The following MAP9 variants were observed in gnomAD, a reference collection of about 807,000 sequenced individuals.
MAP9 encodes the protein microtubule-associated protein 9.
In MAP9, 80 loss-of-function variants were observed where a neutral mutation model predicts 75.2. That is an observed-to-expected ratio of 1.06 (90% confidence interval 0.89 to 1.28). The LOEUF (loss-of-function observed/expected upper bound fraction) is 1.28. MAP9 is among the 50% of genes most tolerant of loss of function. The pLI is 0.00. For synonymous variants in MAP9, 235 were observed against 237.3 expected (o/e 0.99, Z 0.09); for missense variants, 753 against 719.9 (o/e 1.05, Z -0.53).
At chr4:155,372,313 G>C (rs1732637312) in intron 4 of MAP9, among the ~76,000 whole-genome samples, 1 of 152,106 alleles carries the variant, frequency 6.6e-6, no homozygotes, top group Non-Finnish European at 1.5e-5. Flanking sequence ...TGATATGCAA[G>C]GAGATTTTTA....
chr4:155,355,352 CAA>C, intron 9 of MAP9, among the ~76,000 whole-genome samples, 192 bp from the exon 10 acceptor site: 1 of 152,006 alleles, frequency 6.6e-6, no homozygotes, highest in Non-Finnish European at 1.5e-5. Context: ...GTACGCCTAA[CAA>C]CATCTCAGGA....
rs112451358 is a variant in MAP9 at position 155,362,129 on chromosome 4, T to C, written c.721A>G (p.Thr241Ala). Residue 241 changes from threonine (T) to alanine (A), a missense_variant, in exon 6 of 14, where the codon ACA (threonine) becomes GCA (alanine). By Grantham distance (58) the Thr-to-Ala change is moderately conservative. Coordinates refer to ENST00000311277, the MANE Select transcript of MAP9 (RefSeq NM_001039580.2). ...TTAAGTGATGATGATGCTAGACTTG[T>C]TAAGCATGAATCCTGTTTTCGCAAA... ...ENLDPEDSCL[T>A]SLASSSLKQI... 212 of 1,577,480 alleles carry C rather than the reference T, an allele frequency of 1.3e-4. No individual in the cohort carries two copies. The African/African-American group carries it at 2.5e-3, about 19-fold the overall frequency.
In MAP9 at chr4:155,373,307, C is replaced by G; in HGVS notation, c.310G>C (p.Asp104His). Residue 104 changes from aspartate to histidine, a missense_variant, in exon 4 of 14, where the codon GAT (aspartate) becomes CAT (histidine). Coordinates refer to ENST00000311277, the MANE Select transcript of MAP9 (RefSeq NM_001039580.2). Reference protein sequence around the residue: ...TNKSNGNITKDEPVCAIKNEE... With the variant: ...TNKSNGNITKHEPVCAIKNEE... ...TTTTTGATGGCACACACTGGCTCAT[C>G]TTTGGTTATGTTACCGTTTGATTTA... 1 of 1,613,866 alleles carries G rather than the reference C, an allele frequency of 6.2e-7. No homozygotes were observed.
rs189876267 is a variant in MAP9, at chr4:155,366,275, A to C, written c.708+2311T>G. Among the ~76,000 whole-genome samples the C allele has an allele frequency of 3.8e-3, 575 of 151,482 alleles. 4 individuals carry two copies. The highest frequency in any genetic ancestry group is 0.011 in the African/African-American group (474 of 41,276). ...TCGGGAGGCTGAAGCAGGAGAATGG[A>C]GTGAACCTGGGAGGCAGAGCTTGCA... On this transcript the variant is annotated intron_variant, in intron 5 of 13. Coordinates refer to ENST00000311277, the MANE Select transcript of MAP9 (RefSeq NM_001039580.2).
intron 5 of MAP9, 24 bp from the exon 6 acceptor site, chr4:155,362,165 T>C: frequency 7.4e-7 from 1 of 1,352,620 alleles, no homozygotes; most frequent in Non-Finnish European, 1.0e-6. Context: ...AAAAAATACA[T>C]TTGCCACATA....
At chr4:155,360,471 T>C (rs1222697781) in intron 6 of MAP9, 56 bp from the exon 7 acceptor site, 5 of 1,499,464 alleles carry the variant, frequency 3.3e-6, no homozygotes, top group East Asian at 4.6e-5. Context: ...ATAAGGTAAA[T>C]ACTTGATTCA....
intron 13 of MAP9, chr4:155,351,299 T>C (rs1254755759): frequency 6.6e-6 from 1 of 151,912 alleles, no homozygotes; most frequent in Non-Finnish European, 1.5e-5. Flanking sequence ...GTTGAAATCA[T>C]ATTTCCCACC....
chr4:155,371,706 C>G (rs1404469323), intron 4 of MAP9, among the ~76,000 whole-genome samples: 1 of 151,194 alleles, frequency 6.6e-6, no homozygotes, highest in Non-Finnish European at 1.5e-5. Flanking sequence ...TTCATTGTAA[C>G]CCACCACAGG....
chr4:155,348,273 G>A (rs1178428000), intron 13 of MAP9, among the ~76,000 whole-genome samples: 2 of 152,060 alleles, frequency 1.3e-5, no homozygotes, highest in Non-Finnish European at 2.9e-5. Flanking sequence ...GGAGGTGGAG[G>A]TTGCAGTGAG....
At chr4:155,352,388 G>T in intron 13 of MAP9, 1 of 423,274 alleles carries the variant, frequency 2.4e-6, no homozygotes, top group East Asian at 5.9e-5. Flanking sequence ...TTTTCAGCCT[G>T]GGTGTTTGAG....
chr4:155,367,772 T>C (rs954167898), intron 5 of MAP9, among the ~76,000 whole-genome samples: 1 of 152,196 alleles, frequency 6.6e-6, no homozygotes. Context: ...GATTCCCCCA[T>C]TTAGTCATTG....
chr4:155,358,544 T>C (rs748033680), intron 7 of MAP9, among the ~76,000 whole-genome samples: 55 of 152,180 alleles, frequency 3.6e-4, no homozygotes, highest in Non-Finnish European at 6.3e-4. Flanking sequence ...ACAGAGCTGC[T>C]AGCTAATTGC....
intron 1 of MAP9, 122 bp downstream of exon 1, chr4:155,376,649 G>A (rs1009112187): frequency 6.5e-6 from 1 of 152,704 alleles, no homozygotes; most frequent in Non-Finnish European, 1.5e-5. Context: ...TCCAAGCGCG[G>A]TCTCTGTCCG....
rs542943464 is a variant in MAP9, at chr4:155,372,795, C to T, written c.481+341G>A. ...TAGACAGCATTCCATTCCAGTTCCA[C>T]ACCTACAAACAAAACTGAAGCTCAC... On this transcript the variant is annotated intron_variant, in intron 4 of 13. Coordinates refer to ENST00000311277, the MANE Select transcript of MAP9 (RefSeq NM_001039580.2). Among the ~76,000 whole-genome samples, 9 of 152,254 alleles carry T rather than the reference C, an allele frequency of 5.9e-5. No homozygotes were observed. In the East Asian group the frequency reaches 9.7e-4, roughly 16 times the overall value.
In MAP9 at chr4:155,353,007, ATTT is replaced by A; in HGVS notation, c.1590_1592del (p.Lys530del). ...CTCTTTCATATTCTCTCTCCTTTCT[ATTT>A]TTCTCTTTAAGATATTCCATCTTTT... On this transcript the variant is annotated inframe_deletion, in exon 12 of 14. Coordinates refer to ENST00000311277, the MANE Select transcript of MAP9 (RefSeq NM_001039580.2). The A allele has an allele frequency of 6.5e-7, 1 of 1,539,174 alleles. No homozygotes were observed. Among genetic ancestry groups the A allele is most frequent in the Non-Finnish European group, 8.8e-7 (1 of 1,135,336 alleles).
At chr4:155,364,198 TAGA>T (rs896989851) in intron 5 of MAP9, among the ~76,000 whole-genome samples, 3 of 151,902 alleles carry the variant, frequency 2.0e-5, no homozygotes, top group Non-Finnish European at 4.4e-5. Flanking sequence ...GAGCTGGAGG[TAGA>T]AGAAGGCAAC....
intron 5 of MAP9, 89 bp downstream of exon 5, chr4:155,368,497 C>T: frequency 9.0e-7 from 1 of 1,108,708 alleles, no homozygotes; most frequent in Admixed American, 1.9e-5. Context: ...CACACGCACA[C>T]AAATTCATTC....
rs778146971 is a variant in MAP9, at chr4:155,355,868, A to C, written c.1138T>G (p.Phe380Val). The part of the protein sequence containing the change: ...SASARLMTSE[F>V]LKKSSSKRRT... ...CTTTTAGAACTAGATTTCTTCAAAA[A>C]CTCAGAGGTCATTAATCTGAAAAGA... Residue 380 changes from phenylalanine to valine, a missense_variant, in exon 9 of 14, where the codon TTT becomes GTT. Coordinates refer to ENST00000311277, the MANE Select transcript of MAP9 (RefSeq NM_001039580.2). 5.0e-6 allele frequency: 8 copies of C among 1,612,634 alleles called. No individual in the cohort carries two copies. In the Admixed American group the frequency reaches 1.3e-4, roughly 27 times the overall value.
At chr4:155,374,346 AAAACAAAC>A (rs71600374) in intron 3 of MAP9, among the ~76,000 whole-genome samples, 4 of 151,714 alleles carry the variant, frequency 2.6e-5, no homozygotes, top group African/African-American at 9.7e-5. Flanking sequence ...CTCAAAAACA[AAAACAAAC>A]AAACAAAAAC....
Sources: allele counts gnomAD v4.1 joint callset (sites outside exome capture counted in the v4.1 genomes callset), GRCh38; gene constraint gnomAD v4.1.1; transcripts MANE v1.5; gene names NCBI Gene and HGNC (gene_info 2026-07-23, HGNC 2026-07-21).